The following FAM163A variants were observed in gnomAD, a reference collection of about 807,000 sequenced individuals.
The protein encoded by FAM163A is family with sequence similarity 163 member A.
Under a neutral mutation model 12.0 loss-of-function variants are expected in FAM163A, and 7 were observed. The observed-to-expected ratio is 0.58, with a 90% CI of 0.33 to 1.10. The LOEUF (loss-of-function observed/expected upper bound fraction) is 1.10, where lower values mean the gene tolerates loss of function less well. FAM163A is among the 50% of genes least tolerant of loss of function. The pLI, the probability that FAM163A is intolerant of heterozygous loss-of-function variation, is 0.03. For synonymous variants in FAM163A, 101 were observed against 91.0 expected (o/e 1.11, Z -0.62); for missense variants, 202 against 218.6 (o/e 0.92, Z 0.48).
intron 1 of FAM163A, among the ~76,000 whole-genome samples, chr1:179,802,339 C>T (rs1020256055): frequency 3.3e-5 from 5 of 152,228 alleles, no homozygotes; most frequent in South Asian, 2.1e-4. Context: ...TGTTTTGTTT[C>T]GCTGTTTCTC....
chr1:179,794,815 T>C (rs1692034681), intron 1 of FAM163A, among the ~76,000 whole-genome samples: 1 of 152,024 alleles, frequency 6.6e-6, no homozygotes, highest in Non-Finnish European at 1.5e-5. Context: ...CATGAGGAAA[T>C]GCTGAAGGGG....
intron 1 of FAM163A, among the ~76,000 whole-genome samples, chr1:179,795,449 T>C (rs1349408451): frequency 6.6e-6 from 1 of 152,238 alleles, no homozygotes; most frequent in African/African-American, 2.4e-5. Context: ...CATATTGTTA[T>C]TGTGGGAATG....
chr1:179,745,336 G>GT (rs138196640), intron 1 of FAM163A, among the ~76,000 whole-genome samples: 7,111 of 152,250 alleles, frequency 0.047, 580 homozygotes, highest in African/African-American at 0.16. Context: ...AAGAATCTCT[G>GT]TTTTTTCTCT....
chr1:179,741,980 G>A (rs1557880572), upstream of FAM163A: 1 of 152,164 alleles, frequency 6.6e-6, no homozygotes, highest in Non-Finnish European at 1.5e-5. Context: ...AAAATCACAC[G>A]TCCTCTTCAT....
At chr1:179,786,519 C>T (rs1571477342) in intron 1 of FAM163A, among the ~76,000 whole-genome samples, 2 of 152,338 alleles carry the variant, frequency 1.3e-5, no homozygotes, top group African/African-American at 4.8e-5. Flanking sequence ...TGCCCAGCAG[C>T]GAAGAGGGTT....
chr1:179,794,058 G>A (rs1341339103), intron 1 of FAM163A, among the ~76,000 whole-genome samples: 1 of 152,216 alleles, frequency 6.6e-6, no homozygotes, highest in Non-Finnish European at 1.5e-5. Flanking sequence ...TTCCAAGGTA[G>A]CAGGAGGACA....
intron 1 of FAM163A, among the ~76,000 whole-genome samples, chr1:179,794,189 G>A (rs1319833120): frequency 6.6e-6 from 1 of 152,158 alleles, no homozygotes; most frequent in Non-Finnish European, 1.5e-5. Flanking sequence ...TCAATTCAGG[G>A]GCCTGTCTTT....
chr1:179,786,884 G>T (rs79761859), intron 1 of FAM163A, among the ~76,000 whole-genome samples: 3,327 of 152,146 alleles, frequency 0.022, 133 homozygotes, highest in African/African-American at 0.076. Context: ...GCCCTTTCCC[G>T]AGGGTCTGGC....
chr1:179,768,242 C>T (rs1687774590), intron 1 of FAM163A, among the ~76,000 whole-genome samples: 1 of 152,132 alleles, frequency 6.6e-6, no homozygotes, highest in African/African-American at 2.4e-5. Flanking sequence ...TGTTGATAGA[C>T]ATTTGGGTCA....
At chr1:179,765,677 A>ATT (rs749528573) in intron 1 of FAM163A, among the ~76,000 whole-genome samples, 4,520 of 127,128 alleles carry the variant, frequency 0.036, 157 homozygotes, top group African/African-American at 0.086. Context: ...AGCTTTGGGA[A>ATT]TTTTTTTTTT....
At chr1:179,764,321 G>A (rs1687201713) in intron 1 of FAM163A, among the ~76,000 whole-genome samples, 1 of 152,132 alleles carries the variant, frequency 6.6e-6, no homozygotes, top group South Asian at 2.1e-4. Flanking sequence ...CGGGAACGAC[G>A]AGGCAGATAA....
intron 1 of FAM163A, among the ~76,000 whole-genome samples, chr1:179,778,753 G>T (rs1398041600): frequency 1.3e-5 from 2 of 152,080 alleles, no homozygotes; most frequent in Non-Finnish European, 2.9e-5. Context: ...TGCAGTTGAC[G>T]TATATGTATA....
chr1:179,730,361 G>A, the FAM163A span: 1 of 152,260 alleles, frequency 6.6e-6, no homozygotes, highest in Non-Finnish European at 1.5e-5. Context: ...ACCAATCCTG[G>A]TGATCATGGG....
At chr1:179,796,045 C>G (rs544040128) in intron 1 of FAM163A, among the ~76,000 whole-genome samples, 3 of 150,564 alleles carry the variant, frequency 2.0e-5, no homozygotes, top group Admixed American at 2.0e-4. Context: ...TCATCTTATT[C>G]TGTTGCCCTT....
chr1:179,793,322 G>A (rs978160166), intron 1 of FAM163A, among the ~76,000 whole-genome samples: 5 of 152,108 alleles, frequency 3.3e-5, no homozygotes, highest in Non-Finnish European at 7.3e-5. Flanking sequence ...TCTTTAGCCA[G>A]AGCATAATTA....
chr1:179,813,368 C>A (rs557721179), intron 4 of FAM163A, among the ~76,000 whole-genome samples, 178 bp downstream of exon 4: 1 of 152,164 alleles, frequency 6.6e-6, no homozygotes, highest in Admixed American at 6.5e-5. Flanking sequence ...GCTAAGTGCC[C>A]CCCAGCCTGC....
chr1:179,754,077 G>C (rs567336135), intron 1 of FAM163A, among the ~76,000 whole-genome samples: 1 of 152,226 alleles, frequency 6.6e-6, no homozygotes, highest in African/African-American at 2.4e-5. Context: ...GAAGCGGAAG[G>C]ACATCTCTGT....
At chr1:179,760,332 C>T (rs1686645416) in intron 1 of FAM163A, among the ~76,000 whole-genome samples, 1 of 152,046 alleles carries the variant, frequency 6.6e-6, no homozygotes, top group African/African-American at 2.4e-5. Context: ...ACCCAGGGAG[C>T]CCAAAATCTA....
intron 1 of FAM163A, among the ~76,000 whole-genome samples, chr1:179,755,496 A>T (rs1425880498): frequency 6.6e-6 from 1 of 152,172 alleles, no homozygotes; most frequent in Non-Finnish European, 1.5e-5. Flanking sequence ...TTTTTGATGA[A>T]GGGGAAACAA....
Sources: gnomAD v4.1 joint callset for allele counts (sites outside exome capture counted in the v4.1 genomes callset) on GRCh38, gnomAD v4.1.1 for gene constraint, MANE v1.5 for transcripts, NCBI Gene and HGNC (gene_info 2026-07-23, HGNC 2026-07-21) for gene names.